The following RSU1 variants were observed in gnomAD, a reference collection of about 807,000 sequenced individuals.
RSU1 encodes rsu-1.
A neutral mutation model predicts 31.1 loss-of-function variants in RSU1; 26 were observed. That is an observed-to-expected ratio of 0.84 (90% CI 0.61 to 1.16). RSU1 has a LOEUF of 1.16. Among genes scored for constraint, RSU1 ranks in the 50% most tolerant of loss-of-function variants. RSU1 has a pLI of 0.00. For synonymous variants in RSU1, 164 were observed against 136.3 expected, an observed-to-expected ratio of 1.20 and a Z score of -1.41; for missense variants, 320 against 339.1, an observed-to-expected ratio of 0.94 and a Z score of 0.44.
At chr10:16,710,718 G>A (rs142889430) in intron 7 of RSU1, among the ~76,000 whole-genome samples, 158 of 152,012 alleles carry the variant, frequency 1.0e-3, no homozygotes, top group African/African-American at 3.7e-3. Flanking sequence ...TGCAGAAAGT[G>A]CAGGTTTGTT....
At chr10:16,735,288 C>G (rs77043170) in intron 7 of RSU1, among the ~76,000 whole-genome samples, 6 of 152,326 alleles carry the variant, frequency 3.9e-5, no homozygotes, top group Non-Finnish European at 7.3e-5. Context: ...GTGTACATAA[C>G]ATGAAGTCTG....
At chr10:16,727,342 C>T (rs771968428) in intron 7 of RSU1, among the ~76,000 whole-genome samples, 8 of 152,294 alleles carry the variant, frequency 5.3e-5, no homozygotes, top group Admixed American at 1.3e-4. Context: ...AAACATGCTA[C>T]CTTTTCTGAG....
Position 16,609,657 on chromosome 10 carries a change from C to T in RSU1, c.732-16161G>A, listed in dbSNP as rs1463277874. ...TTTTCAAATGTCAACCAACCATGTT[C>T]TGTAACAATCGTCTCCTACTACCCC... On this transcript the variant is annotated intron_variant, in intron 8 of 8. Transcript: ENST00000345264. Among the ~76,000 whole-genome samples, 4 of 152,324 alleles carry T rather than the reference C, an allele frequency of 2.6e-5. No individual in the cohort carries two copies. The East Asian group carries it at 5.8e-4, about 22-fold the overall frequency.
At chr10:16,679,881 T>TG (rs1835297499) in intron 8 of RSU1, among the ~76,000 whole-genome samples, 1 of 146,396 alleles carries the variant, frequency 6.8e-6, no homozygotes, top group Non-Finnish European at 1.5e-5. Context: ...TTTTTTTTTT[T>TG]TTTTTTTTTT....
intron 4 of RSU1, among the ~76,000 whole-genome samples, chr10:16,755,981 A>G (rs1401452266): frequency 4.6e-5 from 7 of 152,220 alleles, no homozygotes; most frequent in Non-Finnish European, 1.0e-4. Flanking sequence ...CCATTACAAA[A>G]TATCTTTCCT....
At chr10:16,734,974 A>C (rs578174977) in intron 7 of RSU1, among the ~76,000 whole-genome samples, 1 of 152,344 alleles carries the variant, frequency 6.6e-6, no homozygotes, top group South Asian at 2.1e-4. Flanking sequence ...GAAAAGGGCC[A>C]CCCACAAGCC....
intron 8 of RSU1, among the ~76,000 whole-genome samples, chr10:16,671,334 G>C (rs958009824): frequency 6.6e-6 from 1 of 152,080 alleles, no homozygotes; most frequent in Non-Finnish European, 1.5e-5. Context: ...GTGATCTTTT[G>C]ACAATCTTTG....
chr10:16,715,710 T>C (rs1408141344), intron 7 of RSU1, among the ~76,000 whole-genome samples: 1 of 152,220 alleles, frequency 6.6e-6, no homozygotes, highest in Non-Finnish European at 1.5e-5. Context: ...CTACTGGAAC[T>C]GTAGCAAGTT....
chr10:16,653,192 C>T (rs907429729), intron 8 of RSU1, among the ~76,000 whole-genome samples: 5 of 152,200 alleles, frequency 3.3e-5, no homozygotes, highest in African/African-American at 1.2e-4. Flanking sequence ...GTCTGTGTAA[C>T]TCCGACATAT....
intron 7 of RSU1, chr10:16,727,215 G>C (rs45607732): frequency 3.1e-5 from 14 of 447,614 alleles, no homozygotes; most frequent in South Asian, 2.0e-4. Context: ...AAAGAGTGAC[G>C]ATGTTCCGCC....
At chr10:16,736,462 A>G (rs1836629759) in intron 7 of RSU1, among the ~76,000 whole-genome samples, 1 of 152,114 alleles carries the variant, frequency 6.6e-6, no homozygotes, top group Non-Finnish European at 1.5e-5. Context: ...AGTAAAGACT[A>G]GTAAGGACCA....
chr10:16,784,823 C>T (rs1374331863), intron 2 of RSU1, among the ~76,000 whole-genome samples: 1 of 152,158 alleles, frequency 6.6e-6, no homozygotes, highest in Non-Finnish European at 1.5e-5. Context: ...CCTACCAGGT[C>T]CGTCCCACGA....
At chr10:16,704,711 C>T (rs1463724939) in intron 7 of RSU1, among the ~76,000 whole-genome samples, 1 of 152,176 alleles carries the variant, frequency 6.6e-6, no homozygotes, top group East Asian at 1.9e-4. Flanking sequence ...TTAAAACACC[C>T]TAGTGGGGTA....
chr10:16,666,279 T>C (rs1048596397), intron 8 of RSU1, among the ~76,000 whole-genome samples: 3 of 152,218 alleles, frequency 2.0e-5, no homozygotes, highest in Non-Finnish European at 2.9e-5. Context: ...AGATCATATC[T>C]ACATCTTTGA....
chr10:16,786,776 A>G, intron 2 of RSU1, among the ~76,000 whole-genome samples: 1 of 152,024 alleles, frequency 6.6e-6, no homozygotes, highest in East Asian at 1.9e-4. Context: ...TGGCCTTTAA[A>G]CCGTTTACTT....
chr10:16,632,076 C>G (rs1168765722), intron 8 of RSU1, among the ~76,000 whole-genome samples: 1 of 152,122 alleles, frequency 6.6e-6, no homozygotes, highest in Non-Finnish European at 1.5e-5. Flanking sequence ...TGGGAATGAC[C>G]CAGTGCCTCT....
chr10:16,739,329 G>C (rs1173174169), intron 7 of RSU1, among the ~76,000 whole-genome samples: 1 of 152,034 alleles, frequency 6.6e-6, no homozygotes, highest in Non-Finnish European at 1.5e-5. Context: ...CTCCCACCAA[G>C]AGTGTAAAAG....
intron 2 of RSU1, among the ~76,000 whole-genome samples, chr10:16,792,932 A>G (rs1837956336): frequency 6.6e-6 from 1 of 152,224 alleles, no homozygotes; most frequent in Non-Finnish European, 1.5e-5. Context: ...CATCTCCGTG[A>G]TGCTGCTTAA....
At chr10:16,615,714 G>A (rs1197638422) in intron 8 of RSU1, among the ~76,000 whole-genome samples, 2 of 152,276 alleles carry the variant, frequency 1.3e-5, no homozygotes, top group African/African-American at 2.4e-5. Flanking sequence ...TAGAACTTGG[G>A]ATTAAGAAAC....
Sources: gnomAD v4.1 joint callset for allele counts (sites outside exome capture counted in the v4.1 genomes callset) on GRCh38, gnomAD v4.1.1 for gene constraint, MANE v1.5 for transcripts, NCBI Gene and HGNC (gene_info 2026-07-23, HGNC 2026-07-21) for gene names.